The following MAPK8 variants were observed in gnomAD, a reference collection of about 807,000 sequenced individuals.
MAPK8 encodes the protein JUN N-terminal kinase.
MAPK8 carries 13 observed loss-of-function variants against 52.9 expected under a neutral mutation model. The observed-to-expected ratio is 0.25, with a 90% CI of 0.16 to 0.39. The LOEUF (loss-of-function observed/expected upper bound fraction) is 0.39, where lower values mean the gene tolerates loss of function less well. MAPK8 is among the 10% of genes least tolerant of loss of function. MAPK8 has a pLI of 1.00. For synonymous variants in MAPK8, 191 were observed against 169.8 expected (o/e 1.12, Z -0.97); for missense variants, 300 against 519.2 (o/e 0.58, Z 4.10).
Position 48,438,979 on chromosome 10 carries a change from C to A in MAPK8, c.*3950C>A, listed in dbSNP as rs2045081631. On this transcript the variant is annotated 3_prime_UTR_variant, in exon 12 of 12. Coordinates refer to ENST00000374189, the MANE Select transcript of MAPK8 (RefSeq NM_001323329.2). ...GGTATATTTTTGAGAAGCTGTTAAT[C>A]TTTTAGCTGAATAATGAAGTTAGAC... 6.6e-6 allele frequency: 1 copy of A among 152,154 alleles called. No individual in the cohort carries two copies. The highest frequency in any genetic ancestry group is 6.5e-5 in the Admixed American group (1 of 15,282). The allele number at this position is 152,154 out of a possible 1,614,324, so 9.4% of individuals were successfully genotyped here.
At chr10:48,378,443 A>C (rs1231589149) in intron 1 of MAPK8, among the ~76,000 whole-genome samples, 1 of 152,222 alleles carries the variant, frequency 6.6e-6, no homozygotes, top group African/African-American at 2.4e-5. Context: ...GTATTGCAGA[A>C]ATATAATGCA....
intron 1 of MAPK8, among the ~76,000 whole-genome samples, chr10:48,351,395 C>G (rs1470976731): frequency 2.0e-5 from 3 of 151,212 alleles, no homozygotes; most frequent in African/African-American, 7.3e-5. Flanking sequence ...CCGCCTCAGC[C>G]TCCTGAGGTC....
chr10:48,309,604 G>A (rs7070529), intron 1 of MAPK8, among the ~76,000 whole-genome samples: 7,075 of 152,242 alleles, frequency 0.046, 550 homozygotes, highest in African/African-American at 0.16. Context: ...GACCTTGTGA[G>A]GATGAGATGT....
chr10:48,323,317 G>C (rs1369535122), intron 1 of MAPK8, among the ~76,000 whole-genome samples: 1 of 152,182 alleles, frequency 6.6e-6, no homozygotes, highest in African/African-American at 2.4e-5. Flanking sequence ...GTAGAATCTA[G>C]GTATTGTGGG....
At chr10:48,386,649 A>G (rs556476757) in intron 1 of MAPK8, among the ~76,000 whole-genome samples, 291 of 152,234 alleles carry the variant, frequency 1.9e-3, no homozygotes, top group African/African-American at 6.6e-3. Flanking sequence ...TCCGTTACTT[A>G]TATTTGTTAT....
Position 48,437,505 on chromosome 10 carries a change from T to G in MAPK8, c.*2476T>G, listed in dbSNP as rs1017047262. 2.6e-5 allele frequency: 4 copies of G among 152,230 alleles called. No homozygotes were observed. Among genetic ancestry groups the G allele is most frequent in the Non-Finnish European group, 4.4e-5 (3 of 68,030 alleles). The allele number at this position is 152,230 out of a possible 1,614,324, so 9.4% of individuals were successfully genotyped here. A position where few individuals can be genotyped will look rare whatever the true frequency, so the allele number is the denominator to read the frequency against. On this transcript the variant is annotated 3_prime_UTR_variant, in exon 12 of 12. Transcript: ENST00000374189. ...CAGAAAGTTATTTTGACCAAGATTT[T>G]TATTATCTTCATAGATTCAGAAAGA...
At position 48,331,559 on chromosome 10, in the gene MAPK8, G is replaced by GTTTGCT. The variant is rs565882563; in HGVS notation, c.-50+24743_-50+24744insTTTTGC. Among the ~76,000 whole-genome samples the GTTTGCT allele has an allele frequency of 6.9e-4, 105 of 152,272 alleles. 4 individuals carry two copies. In the East Asian group the frequency reaches 0.018, roughly 26 times the overall value. ...ATAGTGAGTCCACCCCTGTTCAGCT[G>GTTTGCT]TTTGCACAGCTATCTTAGTGGGGAC... On this transcript the variant is annotated intron_variant, in intron 1 of 11. Transcript: ENST00000374189.
rs59042608 is a variant in MAPK8 at position 48,413,815 on chromosome 10, TTATATATATATATATATATA to T, written c.450+3673_450+3692del. On this transcript the variant is annotated intron_variant, in intron 5 of 11. Transcript: ENST00000374189. ...CAAAATTGAGTATTTGCCAGAATTG[TTATATATATATATATATATA>T]TATATATATATATATATATATATAT... is the stretch of plus-strand genomic sequence containing the variant. Among the ~76,000 whole-genome samples the T allele has an allele frequency of 5.1e-3, 246 of 48,422 alleles. 5 individuals carry two copies. The highest frequency in any genetic ancestry group is 0.023 in the East Asian group (19 of 838). The allele number at this position is 48,422 out of a possible 152,430, so 31.8% of individuals were successfully genotyped here.
chr10:48,392,978 G>A (rs1324878694), intron 1 of MAPK8, among the ~76,000 whole-genome samples: 1 of 152,036 alleles, frequency 6.6e-6, no homozygotes, highest in Non-Finnish European at 1.5e-5. Context: ...TAGCCATTTT[G>A]TTCTTTAAAA....
intron 1 of MAPK8, among the ~76,000 whole-genome samples, chr10:48,381,314 A>T (rs188098341): frequency 6.6e-6 from 1 of 152,126 alleles, no homozygotes. Context: ...ACAATCTTTA[A>T]CCTCTAAACT....
rs191997814 is a variant in MAPK8, at chr10:48,350,230, A to G, written c.-50+43409A>G. Reference sequence around the variant, plus strand: ...ACCATTCCTTCTGAAACTACTCCAAACAATAGAAAAAGAGAGACTTCTCCG... The same window carrying G: ...ACCATTCCTTCTGAAACTACTCCAAGCAATAGAAAAAGAGAGACTTCTCCG... On this transcript the variant is annotated intron_variant, in intron 1 of 11. Coordinates refer to ENST00000374189, the MANE Select transcript of MAPK8 (RefSeq NM_001323329.2). Among the ~76,000 whole-genome samples the G allele has an allele frequency of 9.2e-5, 14 of 152,310 alleles. No homozygotes were observed. In the East Asian group the frequency reaches 1.3e-3, roughly 15 times the overall value.
intron 2 of MAPK8, 77 bp from the exon 3 acceptor site, chr10:48,404,773 GTA>G (rs757022940): frequency 5.3e-6 from 6 of 1,124,158 alleles, no homozygotes; most frequent in Non-Finnish European, 7.8e-6. Context: ...AGTGAGAAAT[GTA>G]TATGACTGTT....
intron 5 of MAPK8, among the ~76,000 whole-genome samples, chr10:48,419,655 T>C (rs867019522): frequency 6.6e-6 from 1 of 152,316 alleles, no homozygotes; most frequent in South Asian, 2.1e-4. Flanking sequence ...TCTAGTCCTT[T>C]GGAACTGGGT....
At chr10:48,356,914 A>G (rs1439810108) in intron 1 of MAPK8, among the ~76,000 whole-genome samples, 1 of 150,532 alleles carries the variant, frequency 6.6e-6, no homozygotes, top group East Asian at 1.9e-4. Context: ...AAAAAAAAAA[A>G]AAAAGTTTAA....
At chr10:48,313,562 C>T (rs1842194602) in intron 1 of MAPK8, among the ~76,000 whole-genome samples, 2 of 152,200 alleles carry the variant, frequency 1.3e-5, no homozygotes, top group African/African-American at 4.8e-5. Flanking sequence ...CAGGTTTTAC[C>T]ACCAAATACG....
At chr10:48,319,304 T>C (rs914920284) in intron 1 of MAPK8, among the ~76,000 whole-genome samples, 1 of 152,180 alleles carries the variant, frequency 6.6e-6, no homozygotes, top group Non-Finnish European at 1.5e-5. Flanking sequence ...AAAGCTTTTT[T>C]AGTATATTCC....
intron 1 of MAPK8, among the ~76,000 whole-genome samples, chr10:48,369,443 G>T (rs897478616): frequency 2.4e-4 from 36 of 152,294 alleles, no homozygotes; most frequent in African/African-American, 8.2e-4. Context: ...TGAAGACGAA[G>T]AATTTATTTT....
At chr10:48,416,414 A>T (rs1342998560) in intron 5 of MAPK8, among the ~76,000 whole-genome samples, 1 of 152,202 alleles carries the variant, frequency 6.6e-6, no homozygotes, top group South Asian at 2.1e-4. Context: ...ACTTCAGCAT[A>T]GTGGTGAGCC....
chr10:48,340,018 A>G (rs1398670043), intron 1 of MAPK8, among the ~76,000 whole-genome samples: 1 of 152,248 alleles, frequency 6.6e-6, no homozygotes, highest in Non-Finnish European at 1.5e-5. Flanking sequence ...TAAAAATAGA[A>G]CTACCATTCA....
Sources: gnomAD v4.1 joint callset for allele counts (sites outside exome capture counted in the v4.1 genomes callset) on GRCh38, gnomAD v4.1.1 for gene constraint, MANE v1.5 for transcripts, NCBI Gene and HGNC (gene_info 2026-07-23, HGNC 2026-07-21) for gene names.